TSPAN7: variants seen among roughly 807,000 people sequenced by gnomAD.
The protein encoded by TSPAN7 is tetraspanin-7.
A neutral mutation model predicts 17.6 loss-of-function variants in TSPAN7; 1 was observed. The ratio of observed to expected loss-of-function variants is 0.06; its 90% confidence interval spans 0.02 to 0.27. TSPAN7 has a LOEUF of 0.27. TSPAN7 is among the 10% of genes least tolerant of loss of function. TSPAN7 has a pLI of 1.00. For missense variants in TSPAN7, 112 were observed against 201.7 expected, an observed-to-expected ratio of 0.56 and a Z score of 2.69; for synonymous variants, 78 against 79.0, an observed-to-expected ratio of 0.99 and a Z score of 0.07.
In TSPAN7 at chrX:38,561,713, C is replaced by T. The variant is rs148847055; in HGVS notation, c.81+86C>T. The T allele has an allele frequency of 6.1e-3, 5,323 of 872,241 alleles. 189 individuals carry two copies. In the African/African-American group the frequency reaches 0.093, roughly 15 times the overall value. 71.9% of individuals were successfully genotyped at this position (872,241 alleles called of 1,213,427 possible). A position where few individuals can be genotyped will look rare whatever the true frequency, so the allele number is the denominator to read the frequency against. The stretch of plus-strand genomic sequence containing the variant: ...CTGAGAAAAGAAGTGGGGAGGAAAA[C>T]CCAAACCAAAAATCAAATCTGGGAC... On this transcript the variant is annotated intron_variant, in intron 1 of 7. Coordinates refer to ENST00000378482, the MANE Select transcript of TSPAN7 (RefSeq NM_004615.4).
chrX:38,650,531 C>T (rs1474328982), intron 1 of TSPAN7, among the ~76,000 whole-genome samples: 3 of 111,770 alleles, frequency 2.7e-5, no homozygotes, highest in Non-Finnish European at 5.7e-5. Context: ...AAAGCATGTC[C>T]TTGGCCATAA....
chrX:38,676,263 TGACA>T (rs763215913), intron 5 of TSPAN7, among the ~76,000 whole-genome samples: 7 of 111,526 alleles, frequency 6.3e-5, no homozygotes, highest in Non-Finnish European at 9.4e-5. Context: ...GGAGTAGAGT[TGACA>T]GACAGCATCT....
At chrX:38,609,749 A>G (rs2069407979) in intron 1 of TSPAN7, among the ~76,000 whole-genome samples, 1 of 109,990 alleles carries the variant, frequency 9.1e-6, no homozygotes, top group Non-Finnish European at 1.9e-5. Flanking sequence ...TAGGTGAGAC[A>G]GTTACATACT....
chrX:38,617,470 A>G (rs757267081), intron 1 of TSPAN7, among the ~76,000 whole-genome samples: 1 of 112,895 alleles, frequency 8.9e-6, no homozygotes, highest in South Asian at 3.7e-4. Flanking sequence ...AGAGTTTTTA[A>G]TATTTTCCAG....
chrX:38,618,180 A>G (rs1034446001), intron 1 of TSPAN7, among the ~76,000 whole-genome samples: 1 of 111,689 alleles, frequency 9.0e-6, no homozygotes, highest in Non-Finnish European at 1.9e-5. Context: ...AGACTTCAAT[A>G]AGCATGTTAG....
At chrX:38,632,536 C>T (rs771298355) in intron 1 of TSPAN7, among the ~76,000 whole-genome samples, 1 of 112,528 alleles carries the variant, frequency 8.9e-6, no homozygotes, top group African/African-American at 3.2e-5. Flanking sequence ...GTTTGCCTGC[C>T]GGCAGCCAGA....
At position 38,688,552 on chromosome X, in the gene TSPAN7, C is replaced by T. The variant is rs1297046394; in HGVS notation, c.*621C>T. 1 of 112,725 alleles carries T rather than the reference C, an allele frequency of 8.9e-6. No individual in the cohort carries two copies. Among genetic ancestry groups the T allele is most frequent in the Admixed American group, 9.4e-5 (1 of 10,644 alleles). 9.3% of individuals were successfully genotyped at this position (112,725 alleles called of 1,213,427 possible). ...AAGGAAACTGAACTTGAGGTGGCCT[C>T]CTTGCTTGTTACATACCTGGGTATG... On this transcript the variant is annotated 3_prime_UTR_variant, in exon 8 of 8. Transcript: ENST00000378482.
chrX:38,642,833 G>T (rs1196169937), intron 1 of TSPAN7, among the ~76,000 whole-genome samples: 1 of 111,023 alleles, frequency 9.0e-6, no homozygotes, highest in Non-Finnish European at 1.9e-5. Flanking sequence ...GTAAAATGGG[G>T]AGTAATAATC....
At chrX:38,585,961 G>A (rs1367074115) in intron 1 of TSPAN7, among the ~76,000 whole-genome samples, 1 of 112,602 alleles carries the variant, frequency 8.9e-6, no homozygotes, top group African/African-American at 3.2e-5. Context: ...GCAGAACCGT[G>A]AGCCAAATAA....
At chrX:38,622,980 C>T (rs759026936) in intron 1 of TSPAN7, 25 of 329,684 alleles carry the variant, frequency 7.6e-5, no homozygotes, top group South Asian at 4.4e-4. Flanking sequence ...AAGATGGAAC[C>T]GAAGATTTGA....
chrX:38,687,724 C>A, intron 7 of TSPAN7, 50 bp downstream of exon 7: 1 of 1,052,985 alleles, frequency 9.5e-7, no homozygotes, highest in Non-Finnish European at 1.3e-6. Context: ...CTTTGGGACA[C>A]TTACTACCCT....
intron 1 of TSPAN7, among the ~76,000 whole-genome samples, chrX:38,652,195 G>T (rs1195334595): frequency 8.9e-6 from 1 of 111,838 alleles, no homozygotes; most frequent in Non-Finnish European, 1.9e-5. Flanking sequence ...CCCAATTCCT[G>T]TGCTGTTAAT....
intron 1 of TSPAN7, among the ~76,000 whole-genome samples, chrX:38,642,235 G>T (rs7882576): frequency 0.22 from 24,250 of 110,715 alleles, 3,466 homozygotes; most frequent in African/African-American, 0.52. Context: ...AGATTGGACT[G>T]GGGATTCAGG....
chrX:38,618,018 G>A (rs2069465678), intron 1 of TSPAN7, among the ~76,000 whole-genome samples: 1 of 111,913 alleles, frequency 8.9e-6, no homozygotes, highest in African/African-American at 3.3e-5. Context: ...TTGTAATGGA[G>A]GAAGAATGAA....
intron 1 of TSPAN7, among the ~76,000 whole-genome samples, chrX:38,652,359 T>C (rs2069680175): frequency 8.9e-6 from 1 of 111,989 alleles, no homozygotes. Context: ...TTCCCAGTCA[T>C]AGGACTTCTG....
chrX:38,611,743 G>T (rs994277314), intron 1 of TSPAN7, among the ~76,000 whole-genome samples: 1 of 111,439 alleles, frequency 9.0e-6, no homozygotes, highest in Admixed American at 9.6e-5. Flanking sequence ...CTTATAAATT[G>T]CAAAATGTAT....
intron 1 of TSPAN7, among the ~76,000 whole-genome samples, chrX:38,628,093 A>G (rs2069530877): frequency 8.9e-6 from 1 of 112,788 alleles, no homozygotes; most frequent in Admixed American, 9.3e-5. Context: ...TCTAGATCCT[A>G]TTGTTTTCTC....
chrX:38,622,374 C>G (rs1048793823), intron 1 of TSPAN7, among the ~76,000 whole-genome samples: 5 of 111,379 alleles, frequency 4.5e-5, no homozygotes, highest in African/African-American at 6.6e-5. Context: ...AGTGAGACCC[C>G]CATCTCTATA....
At chrX:38,630,873 CTA>C in intron 1 of TSPAN7, among the ~76,000 whole-genome samples, 1 of 111,665 alleles carries the variant, frequency 9.0e-6, no homozygotes, top group East Asian at 2.8e-4. Context: ...TACCTCTGCG[CTA>C]TGTGAGAACA....
Sources: allele counts gnomAD v4.1 joint callset (sites outside exome capture counted in the v4.1 genomes callset), GRCh38; gene constraint gnomAD v4.1.1; transcripts MANE v1.5; gene names NCBI Gene and HGNC (gene_info 2026-07-23, HGNC 2026-07-21).